Variants in TRIM26 observed in about 807,000 individuals in gnomAD.
TRIM26 encodes tripartite motif containing 26, also known as tripartite motif-containing protein 26.
Under a neutral mutation model 45.5 loss-of-function variants are expected in TRIM26, and 16 were observed. That is an observed-to-expected ratio of 0.35 (90% CI 0.24 to 0.53). TRIM26 has a LOEUF of 0.53. Among genes scored for constraint, TRIM26 ranks in the 20% least tolerant of loss-of-function variants. The pLI, the probability that TRIM26 is intolerant of heterozygous loss-of-function variation, is 0.92. For synonymous variants in TRIM26, 273 were observed against 290.4 expected (o/e 0.94, Z 0.61); for missense variants, 442 against 691.1 (o/e 0.64, Z 4.04).
chr6:30,195,808 G>C (rs1265376391), intron 6 of TRIM26, among the ~76,000 whole-genome samples: 1 of 152,208 alleles, frequency 6.6e-6, no homozygotes, highest in Non-Finnish European at 1.5e-5. Flanking sequence ...AGAGCAGGAA[G>C]GTTGAGCCCT....
rs199654842 is a variant in TRIM26 at position 30,209,510 on chromosome 6, G to GCCT, written c.-376+3794_-376+3795insAGG. On this transcript the variant is annotated intron_variant, in intron 1 of 9. Transcript: ENST00000454678. This position sits in a 1 kb window ranked among gnomAD's most constrained non-coding sequence, Gnocchi z 4.8. Reference sequence around the variant, plus strand: ...ATGCCTTTCTTGCAAGAGTCCATTGGCCAGAACCGTGAGCTGAATAAACAT... The same window carrying GCCT: ...ATGCCTTTCTTGCAAGAGTCCATTGGCCTCCAGAACCGTGAGCTGAATAAACAT... Among the ~76,000 whole-genome samples, 675 of 152,240 alleles carry GCCT rather than the reference G, an allele frequency of 4.4e-3. 2 individuals are homozygous for GCCT. Among genetic ancestry groups the GCCT allele is most frequent in the African/African-American group, 0.011 (475 of 41,540 alleles).
rs1273916877 is a variant in TRIM26, at chr6:30,190,601, C to A, written c.766-566G>T. ...CTGGGAAGACTACATTTTCCAGATC[C>A]CCTACGACAAGGTCTGGTCATGAGA... On this transcript the variant is annotated intron_variant, in intron 6 of 9. Transcript: ENST00000454678. The surrounding 1 kb of genome is among the most constrained non-coding windows in gnomAD (Gnocchi z 4.3). Among the ~76,000 whole-genome samples, 1 of 152,174 alleles carries A rather than the reference C, an allele frequency of 6.6e-6. No homozygotes were observed. The highest frequency in any genetic ancestry group is 1.5e-5 in the Non-Finnish European group (1 of 68,038).
intron 6 of TRIM26, among the ~76,000 whole-genome samples, chr6:30,195,926 G>A (rs1355914763): frequency 6.6e-6 from 1 of 152,180 alleles, no homozygotes; most frequent in Non-Finnish European, 1.5e-5. Context: ...CAGTTCTTCA[G>A]CCCCAAACCC....
At position 30,198,396 on chromosome 6, in the gene TRIM26, C is replaced by T. The variant is rs370417557; in HGVS notation, c.534+33G>A. ...CTCACCCTGCCCTACACGGGCGCAC[C>T]GCCTCAGGGCTTCCTGAAACAGCCT... On this transcript the variant is annotated intron_variant, in intron 5 of 9. Coordinates refer to ENST00000454678, the MANE Select transcript of TRIM26 (RefSeq NM_003449.5). This position sits in a 1 kb window ranked among gnomAD's most constrained non-coding sequence, Gnocchi z 6.3. 4.6e-5 allele frequency: 74 copies of T among 1,611,216 alleles called. No individual in the cohort carries two copies. The highest frequency in any genetic ancestry group is 5.9e-5 in the Non-Finnish European group (70 of 1,179,126).
At chr6:30,194,714 G>A (rs982070595) in intron 6 of TRIM26, among the ~76,000 whole-genome samples, 3 of 152,150 alleles carry the variant, frequency 2.0e-5, no homozygotes, top group Non-Finnish European at 4.4e-5. Flanking sequence ...AAATAGCCAG[G>A]TGTGGTGATG....
In TRIM26 at chr6:30,185,779, G is replaced by A; in HGVS notation, c.*97C>T. On this transcript the variant is annotated 3_prime_UTR_variant, in exon 10 of 10. Coordinates refer to ENST00000454678, the MANE Select transcript of TRIM26 (RefSeq NM_003449.5). This position sits in a 1 kb window ranked among gnomAD's most constrained non-coding sequence, Gnocchi z 5.7. ...AGTGGATATGGGGTCCCCTGCTCCAGGTGCTTAGGCCAGGCATCCCGTCCC... is the reference window on the plus strand; with the variant it reads ...AGTGGATATGGGGTCCCCTGCTCCAAGTGCTTAGGCCAGGCATCCCGTCCC... 7.1e-7 allele frequency: 1 copy of A among 1,403,376 alleles called. No homozygotes were observed. The allele number at this position is 1,403,376 out of a possible 1,614,324, so 86.9% of individuals were successfully genotyped here.
At position 30,189,183 on chromosome 6, in the gene TRIM26, G is replaced by A. The variant is rs1449624397; in HGVS notation, c.921C>T (p.Asp307=). The A allele has an allele frequency of 1.2e-6, 2 of 1,612,832 alleles. No homozygotes were observed. Among genetic ancestry groups the A allele is most frequent in the Non-Finnish European group, 1.7e-6 (2 of 1,180,028 alleles). The part of the protein sequence containing the change: ...LREFQGKLLR[D]LEYKTVSVTL... The stretch of plus-strand genomic sequence containing the variant: ...GACACTCACCTGTCTTATATTCCAA[G>A]TCTCTCAGCAGCTTCCCTGGGGAGA... Residue 307 remains aspartate, a synonymous_variant, in exon 9 of 10, where the codon GAC becomes GAT. Transcript: ENST00000454678. The surrounding 1 kb of genome is among the most constrained non-coding windows in gnomAD (Gnocchi z 5.0).
Position 30,186,129 on chromosome 6 carries a change from G to A in TRIM26, c.1367C>T (p.Pro456Leu). The A allele has an allele frequency of 3.8e-6, 6 of 1,591,468 alleles. No homozygotes were observed. Among genetic ancestry groups the A allele is most frequent in the Non-Finnish European group, 5.1e-6 (6 of 1,168,562 alleles). The stretch of plus-strand genomic sequence containing the variant: ...GCGCAGCGCCCACACGCCATCCTCT[G>A]GCCGCAGGGAGAGGTCTCCCTTCCT... ...VKRKGDLSLR[P>L]EDGVWALRLS... The change falls in exon 10 of 10, where the codon CCA becomes CTA. Residue 456 changes from proline (P) to leucine (L), a missense_variant. Physicochemically the swap from Pro to Leu is moderately conservative, Grantham distance 98 (BLOSUM62 -3). Transcript: ENST00000454678. The surrounding 1 kb of genome is among the most constrained non-coding windows in gnomAD (Gnocchi z 7.4).
chr6:30,189,618 T>C lies in TRIM26; in HGVS notation c.789-85A>G, dbSNP rs1775604950. ...TATCTCTCAATCCTCATGGCAATTA[T>C]GAAGGGGAGAGGAAAGGTATGATTA... On this transcript the variant is annotated intron_variant, in intron 7 of 9. Transcript: ENST00000454678. The surrounding 1 kb of genome is among the most constrained non-coding windows in gnomAD (Gnocchi z 5.0). 9.3e-6 allele frequency: 11 copies of C among 1,185,204 alleles called. No homozygotes were observed. Among genetic ancestry groups the C allele is most frequent in the Non-Finnish European group, 1.4e-5 (11 of 803,880 alleles). The allele number at this position is 1,185,204 out of a possible 1,614,324, so 73.4% of individuals were successfully genotyped here. A position where few individuals can be genotyped will look rare whatever the true frequency, so the allele number is the denominator to read the frequency against.
Position 30,189,084 on chromosome 6 carries a change from G to A in TRIM26, c.937+83C>T. On this transcript the variant is annotated intron_variant, in intron 9 of 9. Coordinates refer to ENST00000454678, the MANE Select transcript of TRIM26 (RefSeq NM_003449.5). This position sits in a 1 kb window ranked among gnomAD's most constrained non-coding sequence, Gnocchi z 5.0. ...TCCTGTTGCAAAAGGGGCTACCTGG[G>A]GGAAAAGTGAGCAGTCAGAATCTCT... The A allele has an allele frequency of 1.3e-6, 2 of 1,485,548 alleles. No homozygotes were observed. Among genetic ancestry groups the A allele is most frequent in the Admixed American group, 2.0e-5 (1 of 49,676 alleles). The allele number at this position is 1,485,548 out of a possible 1,614,324, so 92.0% of individuals were successfully genotyped here.
At chr6:30,197,739 T>C (rs1332957062) in intron 5 of TRIM26, among the ~76,000 whole-genome samples, 1 of 152,228 alleles carries the variant, frequency 6.6e-6, no homozygotes, top group African/African-American at 2.4e-5. Flanking sequence ...TAATGCCTAA[T>C]ATAATGTAAA....
intron 9 of TRIM26, chr6:30,187,570 T>G: frequency 2.2e-6 from 1 of 459,512 alleles, no homozygotes. Context: ...AAGGTGCTAC[T>G]CTCTGTGCTA....
At chr6:30,191,325 C>G (rs1775810745) in intron 6 of TRIM26, among the ~76,000 whole-genome samples, 1 of 150,742 alleles carries the variant, frequency 6.6e-6, no homozygotes, top group Non-Finnish European at 1.5e-5. Flanking sequence ...TTGATTTTTG[C>G]CTTCCTTTCA....
In TRIM26 at chr6:30,188,459, C is replaced by G. The variant is rs187052116; in HGVS notation, c.937+708G>C. ...TAGGATTCTCTATAATTAGAATAAC[C>G]TGATAGGTAAAATTTGACGGTATTC... On this transcript the variant is annotated intron_variant, in intron 9 of 9. Coordinates refer to ENST00000454678, the MANE Select transcript of TRIM26 (RefSeq NM_003449.5). 403 of 271,928 alleles carry G rather than the reference C, an allele frequency of 1.5e-3. 5 individuals are homozygous for G. The highest frequency in any genetic ancestry group is 9.3e-3 in the Middle Eastern group (6 of 644). The allele number at this position is 271,928 out of a possible 1,614,324, so 16.8% of individuals were successfully genotyped here. A position where few individuals can be genotyped will look rare whatever the true frequency, so the allele number is the denominator to read the frequency against.
chr6:30,201,292 C>T (rs573501230), intron 2 of TRIM26, among the ~76,000 whole-genome samples, 154 bp from the exon 3 acceptor site: 89 of 152,282 alleles, frequency 5.8e-4, no homozygotes, highest in African/African-American at 2.1e-3. Context: ...AGGGATATAA[C>T]GTCCACTCAT....
Position 30,185,668 on chromosome 6 carries a change from G to A in TRIM26, c.*208C>T, listed in dbSNP as rs1485582864. 22 of 604,168 alleles carry A rather than the reference G, an allele frequency of 3.6e-5. No individual in the cohort carries two copies. Among genetic ancestry groups the A allele is most frequent in the Non-Finnish European group, 4.3e-5 (15 of 352,800 alleles). 37.4% of individuals were successfully genotyped at this position (604,168 alleles called of 1,614,324 possible). A position where few individuals can be genotyped will look rare whatever the true frequency, so the allele number is the denominator to read the frequency against. Reference sequence around the variant, plus strand: ...TTCCCTCGGGAAACCAGCAGGAGGTGGGAAAAGAGCCCCATTAGGGCAGTA... The same window carrying A: ...TTCCCTCGGGAAACCAGCAGGAGGTAGGAAAAGAGCCCCATTAGGGCAGTA... On this transcript the variant is annotated 3_prime_UTR_variant, in exon 10 of 10. Transcript: ENST00000454678. This position sits in a 1 kb window ranked among gnomAD's most constrained non-coding sequence, Gnocchi z 5.7.
In TRIM26 at chr6:30,209,277, A is replaced by G. The variant is rs1190971747; in HGVS notation, c.-376+4028T>C. Among the ~76,000 whole-genome samples the G allele has an allele frequency of 2.6e-5, 4 of 152,304 alleles. No individual in the cohort carries two copies. Among genetic ancestry groups the G allele is most frequent in the Admixed American group, 1.3e-4 (2 of 15,302 alleles). Reference sequence around the variant, plus strand: ...ATTTTAGCATCTCTGAAATGTGATCAATTGCATGTCATAATTTAACTGGCA... The same window carrying G: ...ATTTTAGCATCTCTGAAATGTGATCGATTGCATGTCATAATTTAACTGGCA... On this transcript the variant is annotated intron_variant, in intron 1 of 9. Transcript: ENST00000454678. The surrounding 1 kb of genome is among the most constrained non-coding windows in gnomAD (Gnocchi z 4.8).
intron 9 of TRIM26, among the ~76,000 whole-genome samples, chr6:30,187,812 G>A (rs900613982): frequency 2.0e-5 from 3 of 151,060 alleles, no homozygotes; most frequent in Non-Finnish European, 4.4e-5. Flanking sequence ...CAGCTACTTA[G>A]GAGGCTGAGG....
chr6:30,187,536 C>T (rs6457167), intron 9 of TRIM26: 207,546 of 499,730 alleles, frequency 0.42, 44,373 homozygotes, highest in Non-Finnish European at 0.45. Context: ...TTCAGTCCGA[C>T]ATCTTTGAAG....
Sources: gnomAD v4.1 joint callset for allele counts (sites outside exome capture counted in the v4.1 genomes callset) on GRCh38, gnomAD v4.1.1 for gene constraint, Gnocchi (gnomAD v3.1) non-coding constraint, MANE v1.5 for transcripts, NCBI Gene and HGNC (gene_info 2026-07-23, HGNC 2026-07-21) for gene names.